Variants in CEP104 observed in about 807,000 individuals in gnomAD.
The protein encoded by CEP104 is centrosomal protein 104.
Under a neutral mutation model 113.3 loss-of-function variants are expected in CEP104, and 84 were observed. The observed-to-expected ratio is 0.74, with a 90% CI of 0.62 to 0.89. The LOEUF (loss-of-function observed/expected upper bound fraction) is 0.89. Ranked by LOEUF, CEP104 falls within the 40% of genes least tolerant of loss-of-function variation. The probability of loss-of-function intolerance (pLI) is 0.00; values close to 1 mark genes in which losing one functional copy is unlikely to be tolerated. For synonymous variants in CEP104, 378 were observed against 421.7 expected, an observed-to-expected ratio of 0.90 and a Z score of 1.27; for missense variants, 1,053 against 1,156.6, an observed-to-expected ratio of 0.91 and a Z score of 1.30.
In CEP104 at chr1:3,819,298, C is replaced by T. The variant is rs571763636; in HGVS notation, c.2572-2928G>A. ...TGGAGACCAAAACTAGACATATGGT[C>T]GCCAGGGGCTGGAGAGGGGGCTGGG... On this transcript the variant is annotated intron_variant, in intron 20 of 21. Transcript: ENST00000378230. This position sits in a 1 kb window ranked among gnomAD's most constrained non-coding sequence, Gnocchi z 4.6. 3.9e-5 allele frequency among the ~76,000 whole-genome samples: 6 copies of T among 152,144 alleles called. No homozygotes were observed. The highest frequency in any genetic ancestry group is 6.5e-5 in the Admixed American group (1 of 15,282).
chr1:3,823,092 A>G lies in CEP104; in HGVS notation c.2571+82T>C. 1.5e-6 allele frequency: 2 copies of G among 1,304,136 alleles called. No individual in the cohort carries two copies. Among genetic ancestry groups the G allele is most frequent in the East Asian group, 2.3e-5 (1 of 43,436 alleles). The allele number at this position is 1,304,136 out of a possible 1,614,324, so 80.8% of individuals were successfully genotyped here. A position where few individuals can be genotyped will look rare whatever the true frequency, so the allele number is the denominator to read the frequency against. On this transcript the variant is annotated intron_variant, in intron 20 of 21. Transcript: ENST00000378230. This position sits in a 1 kb window ranked among gnomAD's most constrained non-coding sequence, Gnocchi z 4.1. ...CTGTACTCTGTGGCTATGGTCCCGC[A>G]CTGACACCACCACTGTCACCACCAC...
intron 15 of CEP104, 145 bp from the exon 16 acceptor site, chr1:3,826,889 G>A (rs188854471): frequency 1.7e-5 from 14 of 828,658 alleles, no homozygotes; most frequent in Admixed American, 4.5e-5. Flanking sequence ...GCTCATGCCC[G>A]TAATCCCAGC....
rs138638290 is a variant in CEP104, at chr1:3,837,292, A to G, written c.1119T>C (p.Asn373=). The G allele has an allele frequency of 4.4e-6, 7 of 1,607,076 alleles. No homozygotes were observed. The highest frequency in any genetic ancestry group is 1.7e-5 in the Admixed American group (1 of 59,978). The change falls in exon 9 of 22, where the codon AAT becomes AAC. Residue 373 remains asparagine (N), a splice_region_variant and synonymous_variant. Coordinates refer to ENST00000378230, the MANE Select transcript of CEP104 (RefSeq NM_014704.4). ...GCCAATCTGAAACAGAATTACCTAC[A>G]TTGATCTTTGGATGAGGATCTGTGG... ...LPATDPHPKI[N]AESLPYDERP... is the part of the protein sequence containing the mutation.
intron 20 of CEP104, among the ~76,000 whole-genome samples, chr1:3,816,715 G>T (rs1185477010): frequency 1.1e-4 from 16 of 152,246 alleles, no homozygotes; most frequent in Admixed American, 1.0e-3. Flanking sequence ...GCGTGATTAC[G>T]TTCCAGGCCA....
At chr1:3,843,508 T>C (rs1489790173) in intron 6 of CEP104, among the ~76,000 whole-genome samples, 2 of 150,240 alleles carry the variant, frequency 1.3e-5, no homozygotes, top group African/African-American at 2.5e-5. Context: ...TGCACCACCA[T>C]GCCCAGCTAA....
chr1:3,842,778 T>A (rs1244304886), intron 6 of CEP104, among the ~76,000 whole-genome samples: 1 of 152,178 alleles, frequency 6.6e-6, no homozygotes, highest in African/African-American at 2.4e-5. Flanking sequence ...GAATTCCTCT[T>A]TATTTAAAAT....
rs116743134 is a variant in CEP104 at position 3,820,906 on chromosome 1, G to A, written c.2571+2268C>T. On this transcript the variant is annotated intron_variant, in intron 20 of 21. Coordinates refer to ENST00000378230, the MANE Select transcript of CEP104 (RefSeq NM_014704.4). Reference sequence around the variant, plus strand: ...CTGTCTCCTGGGCCTTTGGAAACCGGGGCCCATGGATGTAAGAAAGGAGAC... The same window carrying A: ...CTGTCTCCTGGGCCTTTGGAAACCGAGGCCCATGGATGTAAGAAAGGAGAC... 6.2e-3 allele frequency among the ~76,000 whole-genome samples: 946 copies of A among 152,322 alleles called. 7 individuals carry two copies. The highest frequency in any genetic ancestry group is 0.024 in the Middle Eastern group (7 of 294).
intron 11 of CEP104, 52 bp downstream of exon 11, chr1:3,834,873 C>A: frequency 6.6e-7 from 1 of 1,504,996 alleles, no homozygotes; most frequent in Non-Finnish European, 9.0e-7. Context: ...TGTGGTACGG[C>A]GCATGATCTC....
chr1:3,818,497 C>T (rs937536171), intron 20 of CEP104, among the ~76,000 whole-genome samples: 4 of 152,194 alleles, frequency 2.6e-5, no homozygotes, highest in Non-Finnish European at 5.9e-5. Flanking sequence ...GACCACTTCT[C>T]GCCACTTAGC....
intron 10 of CEP104, among the ~76,000 whole-genome samples, 167 bp from the exon 11 acceptor site, chr1:3,835,259 T>C (rs1362756762): frequency 1.3e-5 from 2 of 152,242 alleles, no homozygotes; most frequent in Middle Eastern, 3.4e-3. Flanking sequence ...CAAATAAATA[T>C]GTATATTTAG....
rs1233246156 is a variant in CEP104, at chr1:3,829,363, T to G, written c.2054A>C (p.Lys685Thr). 6.2e-7 allele frequency: 1 copy of G among 1,609,726 alleles called. No individual in the cohort carries two copies. ...ATDAEMRARR[K>T]AATEEAEKQK... ...TTTTTCTGCTTCTTCTGTAGCCGCT[T>G]TTCTCCGTGCCTGGTAAGAAAATTA... Residue 685 changes from lysine (K) to threonine (T), a missense_variant, in exon 15 of 22, where the codon AAA (lysine) becomes ACA (threonine). Transcript: ENST00000378230.
At chr1:3,826,552 C>T in intron 16 of CEP104, 116 bp from the exon 17 acceptor site, 1 of 1,310,300 alleles carries the variant, frequency 7.6e-7, no homozygotes, top group Non-Finnish European at 1.1e-6. Flanking sequence ...AGCATGTTTT[C>T]CATTCAGCTG....
In CEP104 at chr1:3,826,703, C is replaced by T. The variant is rs1215404905; in HGVS notation, c.2188+5G>A. The T allele has an allele frequency of 2.5e-6, 4 of 1,614,138 alleles. No homozygotes were observed. The highest frequency in any genetic ancestry group is 2.5e-6 in the Non-Finnish European group (3 of 1,179,962). ...GTTCTTTGTGCACCCCAATTCTTTA[C>T]ATACCCTGATTCTTTGGCTTCACAG... On this transcript the variant is annotated splice_donor_5th_base_variant and intron_variant, in intron 16 of 21. Coordinates refer to ENST00000378230, the MANE Select transcript of CEP104 (RefSeq NM_014704.4).
rs553689499 is a variant in CEP104 at position 3,834,952 on chromosome 1, T to C, written c.1458A>G (p.Arg486=). The change falls in exon 11 of 22, where the codon AGA becomes AGG. Residue 486 remains arginine, a synonymous_variant. Coordinates refer to ENST00000378230, the MANE Select transcript of CEP104 (RefSeq NM_014704.4). ...NTLRASVFLV[R]RAIKDIVTSV... ...AGGTCACAATGTCCTTTATGGCTCT[T>C]CTAACGAGAAAGACGGATGCTCTCA... The C allele has an allele frequency of 1.9e-6, 3 of 1,602,148 alleles. No individual in the cohort carries two copies. The highest frequency in any genetic ancestry group is 2.7e-5 in the African/African-American group (2 of 74,938).
chr1:3,839,736 C>T lies in CEP104; in HGVS notation c.607G>A (p.Asp203Asn), dbSNP rs764238062. The T allele has an allele frequency of 5.0e-6, 8 of 1,613,248 alleles. No homozygotes were observed. In the Admixed American group the frequency reaches 1.3e-4, roughly 27 times the overall value. The change falls in exon 7 of 22, where the codon GAT (aspartate) becomes AAT (asparagine). Residue 203 changes from aspartate to asparagine, a missense_variant. Coordinates refer to ENST00000378230, the MANE Select transcript of CEP104 (RefSeq NM_014704.4). ...GCAACTTCTGGATCTTGGTACATAT[C>T]AAAAGCTAAGTCATCTAGCGGAGAG... ...YISPLDDLAFDMYQDPEVAQI... is the reference protein window; with the variant it reads ...YISPLDDLAFNMYQDPEVAQI...
intron 10 of CEP104, 25 bp downstream of exon 10, chr1:3,836,468 GTT>G (rs36051675): frequency 0.023 from 22,753 of 991,502 alleles, no homozygotes; most frequent in East Asian, 0.036. Context: ...CTGCCACCCC[GTT>G]TTTTTTTTTT....
intron 12 of CEP104, among the ~76,000 whole-genome samples, chr1:3,832,788 C>T (rs1331351068): frequency 2.0e-5 from 3 of 152,088 alleles, no homozygotes; most frequent in Non-Finnish European, 2.9e-5. Context: ...GGGCTCAAGC[C>T]TCTCGCCTCG....
At chr1:3,816,183 T>C (rs1223304015) in intron 21 of CEP104, 97 bp downstream of exon 21, 1 of 1,027,400 alleles carries the variant, frequency 9.7e-7, no homozygotes, top group Admixed American at 2.7e-5. Context: ...TTTAAAGGGA[T>C]GGGGTCTTGC....
chr1:3,843,632 G>C (rs181641684), intron 6 of CEP104, among the ~76,000 whole-genome samples: 3 of 151,692 alleles, frequency 2.0e-5, no homozygotes, highest in East Asian at 3.9e-4. Flanking sequence ...GATTACAGGC[G>C]TTAGCCACCA....
Sources: gnomAD v4.1 joint callset for allele counts (sites outside exome capture counted in the v4.1 genomes callset) on GRCh38, gnomAD v4.1.1 for gene constraint, Gnocchi (gnomAD v3.1) non-coding constraint, MANE v1.5 for transcripts, NCBI Gene and HGNC (gene_info 2026-07-23, HGNC 2026-07-21) for gene names.